The following PDE11A variants were observed in gnomAD, a reference collection of about 807,000 sequenced individuals.
PDE11A encodes the protein dual 3',5'-cyclic-AMP and -GMP phosphodiesterase 11A.
In PDE11A, 100 loss-of-function variants were observed where a neutral mutation model predicts 100.5. The ratio of observed to expected loss-of-function variants is 1.00; its 90% confidence interval spans 0.85 to 1.18. The LOEUF is 1.18. Among genes scored for constraint, PDE11A ranks in the 50% most tolerant of loss-of-function variants. PDE11A has a pLI of 0.00. For synonymous variants in PDE11A, 381 were observed against 420.8 expected (o/e 0.91, Z 1.16); for missense variants, 1,141 against 1,152.6 (o/e 0.99, Z 0.15).
At chr2:177,660,743 C>T (rs2080474644) in intron 19 of PDE11A, among the ~76,000 whole-genome samples, 1 of 152,220 alleles carries the variant, frequency 6.6e-6, no homozygotes, top group Non-Finnish European at 1.5e-5. Context: ...TTCCCCTTTG[C>T]TTGGAGAAGA....
chr2:178,085,732 C>G (rs568306235), intron 2 of PDE11A, among the ~76,000 whole-genome samples: 2 of 152,158 alleles, frequency 1.3e-5, no homozygotes, highest in East Asian at 3.9e-4. Flanking sequence ...CTAGAAGTTG[C>G]CCACCTGAAA....
intron 15 of PDE11A, among the ~76,000 whole-genome samples, chr2:177,684,475 A>G (rs939841401): frequency 5.9e-5 from 9 of 152,196 alleles, no homozygotes; most frequent in African/African-American, 2.2e-4. Flanking sequence ...ACAAGATCTG[A>G]ACTTGTACTT....
intron 2 of PDE11A, among the ~76,000 whole-genome samples, chr2:178,084,439 A>G (rs1393487255): frequency 1.3e-5 from 2 of 152,206 alleles, no homozygotes; most frequent in Admixed American, 6.5e-5. Flanking sequence ...CCCATAGTCA[A>G]TCTAAACTTG....
At chr2:177,857,474 T>C (rs1386494644) in intron 5 of PDE11A, among the ~76,000 whole-genome samples, 1 of 152,050 alleles carries the variant, frequency 6.6e-6, no homozygotes, top group Non-Finnish European at 1.5e-5. Context: ...GCAAAAATTA[T>C]AAAACTGCAT....
chr2:177,907,346 A>G (rs1051071784), intron 2 of PDE11A, among the ~76,000 whole-genome samples: 17 of 152,206 alleles, frequency 1.1e-4, no homozygotes, highest in African/African-American at 3.1e-4. Flanking sequence ...TTTACTAGAG[A>G]AAACAGAATT....
At chr2:177,678,688 G>A (rs1002804173) in intron 16 of PDE11A, among the ~76,000 whole-genome samples, 1 of 152,184 alleles carries the variant, frequency 6.6e-6, no homozygotes, top group South Asian at 2.1e-4. Flanking sequence ...GGGCAGATGA[G>A]GGGAGAGGGG....
At chr2:177,897,220 A>G (rs1168273776) in intron 4 of PDE11A, among the ~76,000 whole-genome samples, 1 of 152,206 alleles carries the variant, frequency 6.6e-6, no homozygotes, top group African/African-American at 2.4e-5. Flanking sequence ...ATTGCTGCCA[A>G]GGGTTTAGAC....
At chr2:177,868,019 C>T (rs1387365039) in intron 5 of PDE11A, among the ~76,000 whole-genome samples, 1 of 152,070 alleles carries the variant, frequency 6.6e-6, no homozygotes, top group Non-Finnish European at 1.5e-5. Context: ...AGGATTTGGG[C>T]CATGGTGGCT....
rs545790191 is a variant in PDE11A at position 177,910,868 on chromosome 2, T to C, written c.1072-5681A>G. Reference sequence around the variant, plus strand: ...ACAGAGAAAGGCTATTAAAGCCCCATTGTGTGGTCTGGTCCAATTATACAT... The same window carrying C: ...ACAGAGAAAGGCTATTAAAGCCCCACTGTGTGGTCTGGTCCAATTATACAT... On this transcript the variant is annotated intron_variant, in intron 2 of 19. Coordinates refer to ENST00000286063, the MANE Select transcript of PDE11A (RefSeq NM_016953.4). 3.3e-5 allele frequency among the ~76,000 whole-genome samples: 5 copies of C among 152,292 alleles called. No individual in the cohort carries two copies. The South Asian group carries it at 6.2e-4, about 19-fold the overall frequency.
intron 1 of PDE11A, among the ~76,000 whole-genome samples, chr2:178,035,758 C>G (rs932552175): frequency 5.3e-5 from 8 of 152,176 alleles, no homozygotes; most frequent in African/African-American, 1.7e-4. Context: ...ATCACATAAA[C>G]AGAACCAATG....
At chr2:177,719,329 T>C (rs1326791508) in intron 12 of PDE11A, among the ~76,000 whole-genome samples, 1 of 152,164 alleles carries the variant, frequency 6.6e-6, no homozygotes, top group African/African-American at 2.4e-5. Flanking sequence ...AATGATGTAC[T>C]AGAAATTCCT....
chr2:178,042,606 T>C (rs906865280), intron 1 of PDE11A, among the ~76,000 whole-genome samples: 1 of 152,152 alleles, frequency 6.6e-6, no homozygotes, highest in African/African-American at 2.4e-5. Context: ...CTATTCCAAG[T>C]CAATAAACTG....
rs1463168147 is a variant in PDE11A, at chr2:177,631,539, A to ACACATGTGTATATATCTATATATATC, written c.2647-1978_2647-1977insGATATATATAGATATATACACATGTG. Reference sequence around the variant, plus strand: ...TATATATATATATATATATATATATATATATATACACATGTATATATATAT... The same window carrying ACACATGTGTATATATCTATATATATC: ...TATATATATATATATATATATATATACACATGTGTATATATCTATATATATCTATATATACACATGTATATATATAT... On this transcript the variant is annotated intron_variant, in intron 19 of 19. Coordinates refer to ENST00000286063, the MANE Select transcript of PDE11A (RefSeq NM_016953.4). 7.3e-5 allele frequency among the ~76,000 whole-genome samples: 2 copies of ACACATGTGTATATATCTATATATATC among 27,338 alleles called. 1 individual carries two copies. Among genetic ancestry groups the ACACATGTGTATATATCTATATATATC allele is most frequent in the African/African-American group, 2.9e-4 (2 of 6,894 alleles). 17.9% of individuals were successfully genotyped at this position (27,338 alleles called of 152,430 possible). A position where few individuals can be genotyped will look rare whatever the true frequency, so the allele number is the denominator to read the frequency against.
At chr2:177,935,508 G>T (rs2085261442) in intron 2 of PDE11A, among the ~76,000 whole-genome samples, 1 of 152,160 alleles carries the variant, frequency 6.6e-6, no homozygotes, top group African/African-American at 2.4e-5. Context: ...TTAGTGCAAA[G>T]TTGTATTTGT....
chr2:177,924,410 G>A (rs999316306), intron 2 of PDE11A, among the ~76,000 whole-genome samples: 5 of 152,086 alleles, frequency 3.3e-5, no homozygotes, highest in Non-Finnish European at 5.9e-5. Context: ...TTTTCCTTAC[G>A]AATATCTCTG....
rs539663616 is a variant in PDE11A at position 177,685,612 on chromosome 2, C to T, written c.2346-4709G>A. Among the ~76,000 whole-genome samples, 11 of 152,098 alleles carry T rather than the reference C, an allele frequency of 7.2e-5. No individual in the cohort carries two copies. The East Asian group carries it at 1.5e-3, about 21-fold the overall frequency. On this transcript the variant is annotated intron_variant, in intron 15 of 19. Transcript: ENST00000286063. Reference sequence around the variant, plus strand: ...TTGAGTAGGCTGGAGTGCAATGTCGCGATCTTGGCTCACTGGTTCTGAGGC... The same window carrying T: ...TTGAGTAGGCTGGAGTGCAATGTCGTGATCTTGGCTCACTGGTTCTGAGGC...
intron 1 of PDE11A, among the ~76,000 whole-genome samples, chr2:178,023,007 C>A (rs1050418480): frequency 1.3e-5 from 2 of 152,206 alleles, no homozygotes; most frequent in Non-Finnish European, 2.9e-5. Context: ...ATATAACACG[C>A]AGCCATGATT....
intron 15 of PDE11A, among the ~76,000 whole-genome samples, chr2:177,692,625 T>G (rs1179983865): frequency 6.6e-6 from 1 of 152,172 alleles, no homozygotes; most frequent in Non-Finnish European, 1.5e-5. Flanking sequence ...TTTCAGAAAG[T>G]TGCTCAGCAG....
At chr2:177,999,741 G>A (rs1234709781) in intron 2 of PDE11A, among the ~76,000 whole-genome samples, 1 of 152,166 alleles carries the variant, frequency 6.6e-6, no homozygotes, top group East Asian at 1.9e-4. Flanking sequence ...CCTTCTGATG[G>A]TGTCAATTAA....
Sources: gnomAD v4.1 joint callset for allele counts (sites outside exome capture counted in the v4.1 genomes callset) on GRCh38, gnomAD v4.1.1 for gene constraint, MANE v1.5 for transcripts, NCBI Gene and HGNC (gene_info 2026-07-23, HGNC 2026-07-21) for gene names.